SEMA3E: variants seen among roughly 807,000 people sequenced by gnomAD.
SEMA3E encodes semaphorin-3E.
In SEMA3E, 49 loss-of-function variants were observed where a neutral mutation model predicts 93.6. The observed-to-expected ratio is 0.52, with a 90% CI of 0.42 to 0.66. SEMA3E has a LOEUF of 0.66. Ranked by LOEUF, SEMA3E falls within the 30% of genes least tolerant of loss-of-function variation. The pLI, the probability that SEMA3E is intolerant of heterozygous loss-of-function variation, is 0.00. For synonymous variants in SEMA3E, 363 were observed against 330.7 expected (o/e 1.10, Z -1.06); for missense variants, 906 against 964.8 (o/e 0.94, Z 0.81).
intron 1 of SEMA3E, among the ~76,000 whole-genome samples, chr7:83,530,736 G>A (rs761350981): frequency 1.3e-5 from 2 of 152,058 alleles, no homozygotes; most frequent in African/African-American, 4.8e-5. Context: ...AAATCAGTCA[G>A]GTGTGGTGGT....
At chr7:83,426,590 C>T (rs979412047) in intron 4 of SEMA3E, among the ~76,000 whole-genome samples, 43 of 152,086 alleles carry the variant, frequency 2.8e-4, no homozygotes, top group Non-Finnish European at 2.9e-5. Context: ...CAGTACCTGG[C>T]GATGGGATTA....
chr7:83,426,897 T>G (rs1256789567), intron 4 of SEMA3E, among the ~76,000 whole-genome samples: 1 of 152,120 alleles, frequency 6.6e-6, no homozygotes, highest in Middle Eastern at 3.2e-3. Context: ...CATTCTTAAT[T>G]TCTTCAGACA....
chr7:83,394,191 T>C (rs1788072192), intron 13 of SEMA3E, 106 bp downstream of exon 13: 3 of 1,202,860 alleles, frequency 2.5e-6, no homozygotes, highest in African/African-American at 1.5e-5. Flanking sequence ...AAAACTGTAA[T>C]AAGTTCATAT....
chr7:83,593,282 CTCTGTGTGTGTGTGTGTGTGTGTG>C (rs1562846749), intron 1 of SEMA3E, among the ~76,000 whole-genome samples: 2 of 107,402 alleles, frequency 1.9e-5, no homozygotes, highest in Non-Finnish European at 1.8e-5. Context: ...CTCTCTCTCT[CTCTGTGTGTGTGTGTGTGTGTGTG>C]TGTGTGTGTG....
intron 1 of SEMA3E, among the ~76,000 whole-genome samples, chr7:83,563,451 T>C (rs1307802004): frequency 6.6e-6 from 1 of 152,226 alleles, no homozygotes; most frequent in Non-Finnish European, 1.5e-5. Flanking sequence ...ATACTCCATG[T>C]TAATGCCTCT....
At chr7:83,477,131 G>A (rs114761691) in intron 2 of SEMA3E, among the ~76,000 whole-genome samples, 1,755 of 151,976 alleles carry the variant, frequency 0.012, 31 homozygotes, top group African/African-American at 0.041. Context: ...ACAAACTAAC[G>A]AATATGAAAT....
In SEMA3E at chr7:83,366,059, A is replaced by G. The variant is rs2116889423; in HGVS notation, c.*1527T>C. The stretch of plus-strand genomic sequence containing the variant: ...ATGGTGACTTATCTGAATAAACTTA[A>G]ATTTTTCTTAAAATATTTATGTATT... On this transcript the variant is annotated 3_prime_UTR_variant, in exon 17 of 17. Coordinates refer to ENST00000643230, the MANE Select transcript of SEMA3E (RefSeq NM_012431.3). 6.6e-6 allele frequency: 1 copy of G among 152,170 alleles called. No individual in the cohort carries two copies. Among genetic ancestry groups the G allele is most frequent in the Admixed American group, 6.5e-5 (1 of 15,286 alleles). 9.4% of individuals were successfully genotyped at this position (152,170 alleles called of 1,614,324 possible). A position where few individuals can be genotyped will look rare whatever the true frequency, so the allele number is the denominator to read the frequency against.
At chr7:83,419,557 T>C (rs1438765217) in intron 4 of SEMA3E, among the ~76,000 whole-genome samples, 1 of 152,176 alleles carries the variant, frequency 6.6e-6, no homozygotes, top group Non-Finnish European at 1.5e-5. Context: ...TAAGAGTGTA[T>C]AAGCTTTCCC....
chr7:83,643,398 A>C (rs1562867608), intron 1 of SEMA3E, among the ~76,000 whole-genome samples: 2 of 152,008 alleles, frequency 1.3e-5, no homozygotes, highest in Non-Finnish European at 2.9e-5. Flanking sequence ...GATACACATA[A>C]ATTTTCCACT....
intron 2 of SEMA3E, among the ~76,000 whole-genome samples, chr7:83,489,411 T>C (rs1790332699): frequency 6.8e-6 from 1 of 147,708 alleles, no homozygotes; most frequent in Non-Finnish European, 1.5e-5. Context: ...AAAAAAAAAA[T>C]GACTTTAGAA....
chr7:83,397,079 A>G (rs963053513), intron 11 of SEMA3E, among the ~76,000 whole-genome samples: 5 of 92,686 alleles, frequency 5.4e-5, no homozygotes, highest in Non-Finnish European at 1.4e-4. Context: ...GCCTTCATCT[A>G]AGAAAAAAAA....
chr7:83,583,875 G>T (rs1056781299), intron 1 of SEMA3E, among the ~76,000 whole-genome samples: 1 of 152,146 alleles, frequency 6.6e-6, no homozygotes, highest in South Asian at 2.1e-4. Flanking sequence ...GCCGACCTGT[G>T]ACTAGGAGGA....
At chr7:83,602,554 T>G (rs1198813020) in intron 1 of SEMA3E, among the ~76,000 whole-genome samples, 1 of 151,998 alleles carries the variant, frequency 6.6e-6, no homozygotes, top group Non-Finnish European at 1.5e-5. Flanking sequence ...CTCAGCTCAC[T>G]GCAACCTCCG....
chr7:83,627,652 T>G (rs1793698847), intron 1 of SEMA3E, among the ~76,000 whole-genome samples: 1 of 112,076 alleles, frequency 8.9e-6, no homozygotes, highest in Non-Finnish European at 1.9e-5. Context: ...TTTTTTTTTT[T>G]GCTTTCCATT....
intron 4 of SEMA3E, among the ~76,000 whole-genome samples, chr7:83,464,092 A>G (rs1181861199): frequency 6.6e-6 from 1 of 152,108 alleles, no homozygotes; most frequent in African/African-American, 2.4e-5. Context: ...TAGTCAAATC[A>G]GCCAAGCAGT....
At chr7:83,384,646 C>A (rs1787844206) in intron 16 of SEMA3E, among the ~76,000 whole-genome samples, 1 of 151,966 alleles carries the variant, frequency 6.6e-6, no homozygotes, top group Non-Finnish European at 1.5e-5. Context: ...GACTCACATT[C>A]TTTTATCCAG....
chr7:83,632,372 C>G (rs1272194630), intron 1 of SEMA3E, among the ~76,000 whole-genome samples: 7 of 152,118 alleles, frequency 4.6e-5, no homozygotes, highest in African/African-American at 9.7e-5. Flanking sequence ...TTGTGCCCCA[C>G]CCAAATCTCA....
At chr7:83,555,193 G>A (rs1791862028) in intron 1 of SEMA3E, among the ~76,000 whole-genome samples, 1 of 151,862 alleles carries the variant, frequency 6.6e-6, no homozygotes, top group African/African-American at 2.4e-5. Flanking sequence ...ATAAAAATTC[G>A]CCCTGACCTG....
At chr7:83,609,720 T>C (rs1793208478) in intron 1 of SEMA3E, among the ~76,000 whole-genome samples, 1 of 152,002 alleles carries the variant, frequency 6.6e-6, no homozygotes, top group African/African-American at 2.4e-5. Context: ...AAACTTGGTT[T>C]ATTTAAAACT....
Sources: gnomAD v4.1 joint callset for allele counts (sites outside exome capture counted in the v4.1 genomes callset) on GRCh38, gnomAD v4.1.1 for gene constraint, MANE v1.5 for transcripts, NCBI Gene and HGNC (gene_info 2026-07-23, HGNC 2026-07-21) for gene names.